The following GPHN variants were observed in gnomAD, a reference collection of about 807,000 sequenced individuals.
The protein encoded by GPHN is gephyrin.
GPHN carries 17 observed loss-of-function variants against 95.5 expected under a neutral mutation model. The ratio of observed to expected loss-of-function variants is 0.18; its 90% CI spans 0.12 to 0.27. The LOEUF (loss-of-function observed/expected upper bound fraction) is 0.27, where lower values mean the gene tolerates loss of function less well. Among genes scored for constraint, GPHN ranks in the 10% least tolerant of loss-of-function variants. The pLI is 1.00. For synonymous variants in GPHN, 320 were observed against 322.5 expected, an observed-to-expected ratio of 0.99 and a Z score of 0.08; for missense variants, 660 against 978.1, an observed-to-expected ratio of 0.67 and a Z score of 4.34.
At chr14:67,136,929 A>G (rs1382349158) in intron 17 of GPHN, among the ~76,000 whole-genome samples, 6 of 152,016 alleles carry the variant, frequency 3.9e-5, no homozygotes, top group South Asian at 4.1e-4. Context: ...GCTCATGCCT[A>G]TAATCCCAGC....
the GPHN span, among the ~76,000 whole-genome samples, chr14:67,457,548 G>A: frequency 2.0e-5 from 3 of 152,224 alleles, no homozygotes; most frequent in African/African-American, 7.2e-5. Context: ...GGAGGCTGCA[G>A]TGAGCTAGGA....
chr14:67,144,915 T>C (rs2080812148), intron 18 of GPHN, among the ~76,000 whole-genome samples: 3 of 152,204 alleles, frequency 2.0e-5, no homozygotes, highest in African/African-American at 7.2e-5. Flanking sequence ...GTAGTGTGTG[T>C]AGGTGTTCTT....
intron 4 of GPHN, among the ~76,000 whole-genome samples, chr14:66,840,458 G>A (rs1001019353): frequency 1.3e-5 from 2 of 151,832 alleles, no homozygotes; most frequent in African/African-American, 4.8e-5. Context: ...TATAGGACAG[G>A]GGTCAGCAAA....
the GPHN span, chr14:67,599,952 C>G: frequency 7.5e-7 from 1 of 1,332,822 alleles, no homozygotes; most frequent in South Asian, 1.4e-5. Flanking sequence ...CGGGCTCGAC[C>G]AAAGACCCCA....
the GPHN span, among the ~76,000 whole-genome samples, chr14:67,246,531 A>G: frequency 4.6e-3 from 706 of 152,218 alleles, 4 homozygotes; most frequent in African/African-American, 0.016. Flanking sequence ...TGTAGAGACA[A>G]GATCTCCCTA....
chr14:67,190,174 CA>C, the GPHN span, among the ~76,000 whole-genome samples: 2 of 150,598 alleles, frequency 1.3e-5, no homozygotes, highest in African/African-American at 4.9e-5. Context: ...CTCAGCCTCC[CA>C]AAATGCTGGG....
chr14:67,548,379 C>G, the GPHN span, among the ~76,000 whole-genome samples: 1 of 152,136 alleles, frequency 6.6e-6, no homozygotes, highest in African/African-American at 2.4e-5. Flanking sequence ...TTCTTTATGC[C>G]AAAAGGGCTT....
At chr14:67,266,231 G>GT in the GPHN span, among the ~76,000 whole-genome samples, 1 of 152,092 alleles carries the variant, frequency 6.6e-6, no homozygotes, top group Admixed American at 6.5e-5. Context: ...GTAAGAACTC[G>GT]TTTTTTAGTT....
At chr14:67,312,689 C>T in the GPHN span, 18 of 1,609,210 alleles carry the variant, frequency 1.1e-5, no homozygotes, top group Middle Eastern at 5.0e-4. Flanking sequence ...AGATAATCAA[C>T]CTCTAGCCGG....
At chr14:67,344,060 A>G in the GPHN span, among the ~76,000 whole-genome samples, 1 of 152,202 alleles carries the variant, frequency 6.6e-6, no homozygotes, top group Non-Finnish European at 1.5e-5. Context: ...ATACTGATTA[A>G]TATGCAACCT....
chr14:66,693,129 T>G (rs995930577), intron 2 of GPHN, among the ~76,000 whole-genome samples: 1 of 151,994 alleles, frequency 6.6e-6, no homozygotes, highest in Admixed American at 6.6e-5. Context: ...ATATTAACAG[T>G]TTTTTTACAT....
At chr14:67,100,493 C>T (rs986872366) in intron 12 of GPHN, among the ~76,000 whole-genome samples, 8 of 152,172 alleles carry the variant, frequency 5.3e-5, no homozygotes, top group African/African-American at 1.4e-4. Flanking sequence ...ACACACATCA[C>T]ACATACATAC....
At chr14:67,553,156 A>G in the GPHN span, among the ~76,000 whole-genome samples, 4 of 152,202 alleles carry the variant, frequency 2.6e-5, no homozygotes, top group South Asian at 2.1e-4. Flanking sequence ...ATATCAGCCA[A>G]TCGTTTCAGA....
At chr14:66,681,820 A>G (rs975183855) in intron 2 of GPHN, among the ~76,000 whole-genome samples, 1 of 152,128 alleles carries the variant, frequency 6.6e-6, no homozygotes, top group African/African-American at 2.4e-5. Context: ...ATCTATGAAC[A>G]TACCTTCCCA....
intron 18 of GPHN, among the ~76,000 whole-genome samples, chr14:67,149,070 C>T (rs1384948192): frequency 6.6e-6 from 1 of 151,694 alleles, no homozygotes; most frequent in Non-Finnish European, 1.5e-5. Context: ...CTGGGCTGGG[C>T]GTGTGGCTCA....
intron 2 of GPHN, among the ~76,000 whole-genome samples, chr14:66,684,946 GT>G (rs1264996321): frequency 6.6e-6 from 1 of 151,984 alleles, no homozygotes; most frequent in Non-Finnish European, 1.5e-5. Context: ...TTCCCTTCCT[GT>G]GTCCAAGTGT....
the GPHN span, among the ~76,000 whole-genome samples, chr14:67,417,919 T>C: frequency 6.6e-6 from 1 of 151,882 alleles, no homozygotes; most frequent in East Asian, 1.9e-4. Context: ...AATTATTTAA[T>C]GTTTTTGTAG....
chr14:67,625,796 A>G, the GPHN span, among the ~76,000 whole-genome samples: 1 of 152,070 alleles, frequency 6.6e-6, no homozygotes, highest in Non-Finnish European at 1.5e-5. Flanking sequence ...ATATTTGCAA[A>G]TCATATACCT....
chr14:67,667,754 G>C, the GPHN span, among the ~76,000 whole-genome samples: 147,681 of 152,218 alleles, frequency 0.97, 71,773 homozygotes, highest in East Asian at 1. Flanking sequence ...ACCATCCTGG[G>C]TGACACAGTG....
Sources: allele counts gnomAD v4.1 joint callset (sites outside exome capture counted in the v4.1 genomes callset), GRCh38; gene constraint gnomAD v4.1.1; transcripts MANE v1.5; gene names NCBI Gene and HGNC (gene_info 2026-07-23, HGNC 2026-07-21).